Variants in AFDN observed in about 807,000 individuals in gnomAD.
The protein encoded by AFDN is afadin, adherens junction formation factor, also known as afadin.
In AFDN, 68 loss-of-function variants were observed where a neutral mutation model predicts 216.6. That is an observed-to-expected ratio of 0.31 (90% CI 0.26 to 0.38). AFDN has a LOEUF of 0.38. AFDN is among the 10% of genes least tolerant of loss of function. The pLI is 1.00. For synonymous variants in AFDN, 868 were observed against 853.7 expected, an observed-to-expected ratio of 1.02 and a Z score of -0.29; for missense variants, 2,136 against 2,342.0, an observed-to-expected ratio of 0.91 and a Z score of 1.82.
rs117728110 is a variant in AFDN, at chr6:167,919,135, G to A, written c.2908+202G>A. ...GTCGAGACACAGAGCCCTTGGGCAT[G>A]TTTTGTGACCCTGTAGTGAGCATCT... On this transcript the variant is annotated intron_variant, in intron 21 of 33. Transcript: ENST00000683244. Among the ~76,000 whole-genome samples the A allele has an allele frequency of 1.6e-3, 246 of 152,366 alleles. 1 individual carries two copies. Among genetic ancestry groups the A allele is most frequent in the Middle Eastern group, 3.4e-3 (1 of 294 alleles).
chr6:167,969,570 A>C (rs987279084), intron 33 of AFDN, among the ~76,000 whole-genome samples: 1 of 152,212 alleles, frequency 6.6e-6, no homozygotes, highest in African/African-American at 2.4e-5. Context: ...TATGACTGGG[A>C]AAAGTTAATG....
Position 167,925,235 on chromosome 6 carries a change from G to A in AFDN, c.3099+144G>A, listed in dbSNP as rs1040637256. ...TCTGTTTCTGCGTAGGAGAGGAATGGTGTTACATGAATGAAGCCAGTGTGC... is the reference window on the plus strand; with the variant it reads ...TCTGTTTCTGCGTAGGAGAGGAATGATGTTACATGAATGAAGCCAGTGTGC... On this transcript the variant is annotated intron_variant, in intron 23 of 33. Transcript: ENST00000683244. 3 of 640,176 alleles carry A rather than the reference G, an allele frequency of 4.7e-6. No homozygotes were observed. The African/African-American group carries it at 5.5e-5, about 12-fold the overall frequency. 39.7% of individuals were successfully genotyped at this position (640,176 alleles called of 1,614,324 possible).
At chr6:167,833,080 A>G (rs1445312892) in intron 1 of AFDN, among the ~76,000 whole-genome samples, 2 of 152,206 alleles carry the variant, frequency 1.3e-5, no homozygotes, top group African/African-American at 2.4e-5. Flanking sequence ...CCTGAAGTTT[A>G]TTAGTGCCTG....
At chr6:167,929,573 C>T (rs1168514667) in intron 23 of AFDN, among the ~76,000 whole-genome samples, 1 of 152,294 alleles carries the variant, frequency 6.6e-6, no homozygotes, top group Non-Finnish European at 1.5e-5. Flanking sequence ...GGTAGTTGTC[C>T]CCTTAGAGCA....
intron 1 of AFDN, among the ~76,000 whole-genome samples, chr6:167,829,455 A>G (rs1388614486): frequency 6.6e-6 from 1 of 151,806 alleles, no homozygotes; most frequent in African/African-American, 2.4e-5. Context: ...TTTTTTTTTT[A>G]ACCATCTAAT....
chr6:167,943,467 T>C lies in AFDN; in HGVS notation c.3231T>C (p.Ser1077=), dbSNP rs1794929337. The change falls in exon 25 of 34, where the codon TCT becomes TCC. Residue 1077 remains serine, a synonymous_variant. Coordinates refer to ENST00000683244, the MANE Select transcript of AFDN (RefSeq NM_001386888.1). ...SVDGRSLVGL[S]QERAAELMTR... The stretch of plus-strand genomic sequence containing the variant: ...ATGGACGAAGTCTGGTTGGACTCTC[T>C]CAGGAAAGGTATCATTGATTTATTT... The C allele has an allele frequency of 6.2e-7, 1 of 1,612,944 alleles. No individual in the cohort carries two copies. The highest frequency in any genetic ancestry group is 1.3e-5 in the African/African-American group (1 of 75,040).
intron 2 of AFDN, among the ~76,000 whole-genome samples, chr6:167,868,739 T>C (rs1170232863): frequency 6.6e-6 from 1 of 150,992 alleles, no homozygotes; most frequent in Non-Finnish European, 1.5e-5. Flanking sequence ...ATGGAGTTTT[T>C]ACTATCATCA....
chr6:167,947,357 T>A (rs956472346), intron 27 of AFDN, among the ~76,000 whole-genome samples: 2 of 152,084 alleles, frequency 1.3e-5, no homozygotes, highest in South Asian at 4.2e-4. Context: ...TTTTTTGTAT[T>A]TTTAGTAGAG....
intron 31 of AFDN, chr6:167,963,321 C>G: frequency 1.9e-6 from 2 of 1,061,312 alleles, no homozygotes; most frequent in Non-Finnish European, 1.1e-6. Context: ...GAGGGGACTG[C>G]GTGTTGCTCT....
intron 31 of AFDN, chr6:167,964,544 A>G: frequency 9.4e-7 from 1 of 1,064,280 alleles, no homozygotes; most frequent in Non-Finnish European, 1.1e-6. Context: ...CAGGGCAGTA[A>G]TTGGGGCTGG....
chr6:167,966,232 CA>C (rs547911431), intron 32 of AFDN, 187 bp downstream of exon 32: 2 of 1,530,660 alleles, frequency 1.3e-6, no homozygotes, highest in Non-Finnish European at 8.7e-7. Flanking sequence ...CTGCCCCCTC[CA>C]AAAAAATCCA....
chr6:167,966,642 C>T (rs1030586381), intron 32 of AFDN, among the ~76,000 whole-genome samples: 23 of 152,152 alleles, frequency 1.5e-4, no homozygotes, highest in Admixed American at 2.6e-4. Flanking sequence ...GCTTTTCACA[C>T]GCTGTAGTGT....
intron 30 of AFDN, among the ~76,000 whole-genome samples, chr6:167,959,680 T>A (rs1386788770): frequency 3.9e-5 from 6 of 152,162 alleles, no homozygotes; most frequent in African/African-American, 9.7e-5. Flanking sequence ...TACAAAATTA[T>A]AAACACACAG....
At chr6:167,858,253 GAGC>G (rs1783124076) in intron 1 of AFDN, among the ~76,000 whole-genome samples, 1 of 152,132 alleles carries the variant, frequency 6.6e-6, no homozygotes, top group Non-Finnish European at 1.5e-5. Flanking sequence ...TAGCTGCTGT[GAGC>G]AGATGATTGT....
rs1040391189 is a variant in AFDN at position 167,871,023 on chromosome 6, G to T, written c.414+525G>T. Among the ~76,000 whole-genome samples, 4 of 152,066 alleles carry T rather than the reference G, an allele frequency of 2.6e-5. No homozygotes were observed. The South Asian group carries it at 8.3e-4, about 32-fold the overall frequency. ...TGTTTATTTTGTGCTAAATCAAGTG[G>T]CATCTTACACAAGAATTCATTATGG... On this transcript the variant is annotated intron_variant, in intron 3 of 33. Transcript: ENST00000683244.
intron 19 of AFDN, among the ~76,000 whole-genome samples, chr6:167,916,577 G>T (rs1181496824): frequency 1.3e-5 from 2 of 152,052 alleles, no homozygotes; most frequent in African/African-American, 4.8e-5. Context: ...AAATTTTTTA[G>T]ATATGAAAAA....
At chr6:167,934,851 A>ACTT (rs1583466894) in intron 23 of AFDN, among the ~76,000 whole-genome samples, 1 of 152,182 alleles carries the variant, frequency 6.6e-6, no homozygotes, top group East Asian at 1.9e-4. Context: ...GACTACCTAC[A>ACTT]CTTCTATAAG....
At chr6:167,867,427 C>CT (rs1784302367) in intron 2 of AFDN, among the ~76,000 whole-genome samples, 1 of 146,634 alleles carries the variant, frequency 6.8e-6, no homozygotes, top group African/African-American at 2.5e-5. Flanking sequence ...TCTTTTTTTT[C>CT]TTTTCTTTTT....
chr6:167,959,011 T>C (rs1171652841), intron 30 of AFDN, among the ~76,000 whole-genome samples: 1 of 152,230 alleles, frequency 6.6e-6, no homozygotes, highest in Non-Finnish European at 1.5e-5. Flanking sequence ...GAAATATGTA[T>C]TAAAACCAAC....
Sources: gnomAD v4.1 joint callset for allele counts (sites outside exome capture counted in the v4.1 genomes callset) on GRCh38, gnomAD v4.1.1 for gene constraint, MANE v1.5 for transcripts, NCBI Gene and HGNC (gene_info 2026-07-23, HGNC 2026-07-21) for gene names.